The following CD8B2 variants were observed in gnomAD, a reference collection of about 807,000 sequenced individuals.
The protein encoded by CD8B2 is T-cell surface glycoprotein CD8 beta-2 chain.
In CD8B2, 11 loss-of-function variants were observed where a neutral mutation model predicts 23.7. That is an observed-to-expected ratio of 0.46 (90% confidence interval 0.29 to 0.77). The LOEUF (loss-of-function observed/expected upper bound fraction) is 0.77, where lower values mean the gene tolerates loss of function less well. Ranked by LOEUF, CD8B2 falls within the 30% of genes least tolerant of loss-of-function variation. The probability of loss-of-function intolerance (pLI) is 0.09; values close to 1 mark genes in which losing one functional copy is unlikely to be tolerated. For missense variants in CD8B2, 197 were observed against 270.5 expected (o/e 0.73, Z 1.91); for synonymous variants, 90 against 109.3 (o/e 0.82, Z 1.10).
chr2:106,505,469 C>A (rs1679486477), intron 5 of CD8B2, among the ~76,000 whole-genome samples: 1 of 152,126 alleles, frequency 6.6e-6, no homozygotes, highest in Non-Finnish European at 1.5e-5. Context: ...ATCTCACAGT[C>A]AGTGTGAGGG....
chr2:106,491,265 A>T (rs1679191093), intron 2 of CD8B2, 32 bp downstream of exon 2: 2 of 1,474,272 alleles, frequency 1.4e-6, no homozygotes, highest in African/African-American at 1.4e-5. Flanking sequence ...ATCAGTGAGC[A>T]CCGACTGTGT....
intron 1 of CD8B2, among the ~76,000 whole-genome samples, 189 bp from the exon 2 acceptor site, chr2:106,490,685 C>T (rs961979210): frequency 6.6e-6 from 1 of 152,282 alleles, no homozygotes; most frequent in African/African-American, 2.4e-5. Flanking sequence ...TCCAGATGAT[C>T]TCCTGGGAGG....
chr2:106,523,103 T>C (rs1382527195), intron 5 of CD8B2, among the ~76,000 whole-genome samples: 1 of 152,176 alleles, frequency 6.6e-6, no homozygotes, highest in Non-Finnish European at 1.5e-5. Context: ...GCTCTCAAGG[T>C]GAGCTCAAAT....
chr2:106,541,430 G>A (rs1680172239), intron 5 of CD8B2, among the ~76,000 whole-genome samples: 1 of 152,150 alleles, frequency 6.6e-6, no homozygotes, highest in African/African-American at 2.4e-5. Context: ...CAATGTCCAG[G>A]CACATTATTG....
chr2:106,512,330 G>C (rs1315785537), downstream of CD8B2, among the ~76,000 whole-genome samples: 2 of 152,166 alleles, frequency 1.3e-5, no homozygotes, highest in African/African-American at 4.8e-5. Flanking sequence ...ATCCGCCTCG[G>C]CCTCCCAAAG....
downstream of CD8B2, among the ~76,000 whole-genome samples, chr2:106,513,812 C>T (rs939890779): frequency 1.3e-5 from 2 of 152,124 alleles, no homozygotes; most frequent in African/African-American, 4.8e-5. Flanking sequence ...GGCCTACCTT[C>T]GGATCACGAA....
chr2:106,504,453 A>C, intron 5 of CD8B2, 128 bp downstream of exon 5: 1 of 1,527,270 alleles, frequency 6.5e-7, no homozygotes, highest in Admixed American at 2.0e-5. Flanking sequence ...CGGGCGTGGT[A>C]GTGCACACCT....
Position 106,502,575 on chromosome 2 carries a change from C to G in CD8B2, c.583+12C>G. ...CATGCACCTGTGCTGTGAGTTGTCT[C>G]CTCTTGGGTTGTTGGGTGTCCCTGT... On this transcript the variant is annotated intron_variant, in intron 4 of 5. Coordinates refer to ENST00000643224, the MANE Select transcript of CD8B2 (RefSeq NM_001349727.2). The G allele has an allele frequency of 6.8e-7, 1 of 1,460,104 alleles. No homozygotes were observed. Among genetic ancestry groups the G allele is most frequent in the Non-Finnish European group, 9.4e-7 (1 of 1,068,056 alleles). 90.4% of individuals were successfully genotyped at this position (1,460,104 alleles called of 1,614,324 possible). A position where few individuals can be genotyped will look rare whatever the true frequency, so the allele number is the denominator to read the frequency against.
At chr2:106,501,498 G>A (rs1257238581) in intron 3 of CD8B2, among the ~76,000 whole-genome samples, 2 of 151,894 alleles carry the variant, frequency 1.3e-5, no homozygotes, top group Non-Finnish European at 1.5e-5. Flanking sequence ...CCTGGCCAAC[G>A]TGGTGAAACC....
intron 3 of CD8B2, among the ~76,000 whole-genome samples, chr2:106,496,532 T>C (rs1679303919): frequency 1.3e-5 from 2 of 152,216 alleles, no homozygotes; most frequent in African/African-American, 2.4e-5. Context: ...TCATTATTCA[T>C]ACTAGCCAAA....
downstream of CD8B2, among the ~76,000 whole-genome samples, chr2:106,514,329 C>A (rs1679691845): frequency 6.7e-6 from 1 of 149,428 alleles, no homozygotes; most frequent in African/African-American, 2.5e-5. Context: ...GCTCTGTTGC[C>A]CAGGCTGGAG....
chr2:106,516,289 A>C (rs982329281), intron 5 of CD8B2, among the ~76,000 whole-genome samples: 8 of 152,138 alleles, frequency 5.3e-5, no homozygotes, highest in Admixed American at 4.6e-4. Flanking sequence ...AGGTACTTAC[A>C]AATCCTGAAG....
In CD8B2 at chr2:106,511,029, C is replaced by T. The variant is rs1286549988; in HGVS notation, c.*4089C>T. ...GTACAGTTCCTTGTGTGAATTTTTA[C>T]ATCATGTATTACTTTTGTAGTTGGG... On this transcript the variant is annotated 3_prime_UTR_variant, in exon 6 of 6. Coordinates refer to ENST00000643224, the MANE Select transcript of CD8B2 (RefSeq NM_001349727.2). 1.3e-5 allele frequency: 2 copies of T among 152,070 alleles called. No individual in the cohort carries two copies. The highest frequency in any genetic ancestry group is 4.8e-5 in the African/African-American group (2 of 41,390). 9.4% of individuals were successfully genotyped at this position (152,070 alleles called of 1,614,324 possible). A position where few individuals can be genotyped will look rare whatever the true frequency, so the allele number is the denominator to read the frequency against.
chr2:106,506,135 CA>C lies in CD8B2; in HGVS notation c.621-780del, dbSNP rs564708073. ...GGGCAACAAGAGTGAAACTCTGTCT[CA>C]AAAAAAAAAAAAGAAAGTTCCGTTC... On this transcript the variant is annotated intron_variant, in intron 5 of 5. Coordinates refer to ENST00000643224, the MANE Select transcript of CD8B2 (RefSeq NM_001349727.2). 3.5e-3 allele frequency among the ~76,000 whole-genome samples: 484 copies of C among 139,830 alleles called. 1 individual carries two copies. Among genetic ancestry groups the C allele is most frequent in the East Asian group, 0.015 (73 of 4,854 alleles). 91.7% of individuals were successfully genotyped at this position (139,830 alleles called of 152,430 possible).
chr2:106,536,125 C>T (rs1288717782), intron 5 of CD8B2, among the ~76,000 whole-genome samples: 1 of 151,454 alleles, frequency 6.6e-6, no homozygotes, highest in African/African-American at 2.4e-5. Flanking sequence ...ACCTCTGCCT[C>T]CAGGGTTCAA....
At chr2:106,542,977 T>C (rs752018579) in intron 5 of CD8B2, 2 of 152,142 alleles carry the variant, frequency 1.3e-5, no homozygotes, top group Non-Finnish European at 2.9e-5. Context: ...CGCTCGGCCA[T>C]GCCGCACAGG....
At chr2:106,521,259 C>A (rs34560517) in intron 5 of CD8B2, among the ~76,000 whole-genome samples, 1 of 151,874 alleles carries the variant, frequency 6.6e-6, no homozygotes, top group Non-Finnish European at 1.5e-5. Context: ...TCCACTTGGC[C>A]GGCACCATGT....
intron 5 of CD8B2, among the ~76,000 whole-genome samples, chr2:106,540,110 C>T (rs1375106510): frequency 1.3e-5 from 2 of 151,722 alleles, no homozygotes; most frequent in South Asian, 2.1e-4. Flanking sequence ...GAATGATTTC[C>T]TAAGAATGAA....
At position 106,503,380 on chromosome 2, in the gene CD8B2, A is replaced by G. The variant is rs542465168; in HGVS notation, c.583+817A>G. ...ATGAAAATAACGGACCTCTCCCCAC[A>G]GAAATGCACCCAGGAGCATACTTTT... On this transcript the variant is annotated intron_variant, in intron 4 of 5. Transcript: ENST00000643224. Among the ~76,000 whole-genome samples, 17 of 152,180 alleles carry G rather than the reference A, an allele frequency of 1.1e-4. No individual in the cohort carries two copies. The East Asian group carries it at 3.3e-3, about 30-fold the overall frequency.
Sources: gnomAD v4.1 joint callset for allele counts (sites outside exome capture counted in the v4.1 genomes callset) on GRCh38, gnomAD v4.1.1 for gene constraint, MANE v1.5 for transcripts, NCBI Gene and HGNC (gene_info 2026-07-23, HGNC 2026-07-21) for gene names.